The following ZFYVE26 variants were observed in gnomAD, a reference collection of about 807,000 sequenced individuals.
ZFYVE26 encodes zinc finger FYVE-type containing 26.
Under a neutral mutation model 276.5 loss-of-function variants are expected in ZFYVE26, and 181 were observed. The ratio of observed to expected loss-of-function variants is 0.65; its 90% confidence interval spans 0.58 to 0.74. ZFYVE26 has a LOEUF of 0.74. Among genes scored for constraint, ZFYVE26 ranks in the 30% least tolerant of loss-of-function variants. The pLI is 0.00. For missense variants in ZFYVE26, 2,821 were observed against 3,097.9 expected, an observed-to-expected ratio of 0.91 and a Z score of 2.12; for synonymous variants, 1,129 against 1,203.1, an observed-to-expected ratio of 0.94 and a Z score of 1.27.
At position 67,786,261 on chromosome 14, in the gene ZFYVE26, G is replaced by T; in HGVS notation, c.3020-28C>A. 1.5e-5 allele frequency: 8 copies of T among 516,278 alleles called. 1 individual carries two copies. Among genetic ancestry groups the T allele is most frequent in the South Asian group, 1.5e-4 (4 of 27,574 alleles). 32.0% of individuals were successfully genotyped at this position (516,278 alleles called of 1,614,324 possible). A position where few individuals can be genotyped will look rare whatever the true frequency, so the allele number is the denominator to read the frequency against. On this transcript the variant is annotated intron_variant, in intron 16 of 41. Coordinates refer to ENST00000347230, the MANE Select transcript of ZFYVE26 (RefSeq NM_015346.4). ...GGAAATAGATGAAGGAAGAGGGAAT[G>T]CAAAAAAAAAAAATTGAAGTGTTTT...
At position 67,793,660 on chromosome 14, in the gene ZFYVE26, T is replaced by A; in HGVS notation, c.2501A>T (p.Glu834Val). The A allele has an allele frequency of 6.2e-7, 1 of 1,613,776 alleles. No individual in the cohort carries two copies. Among genetic ancestry groups the A allele is most frequent in the Non-Finnish European group, 8.5e-7 (1 of 1,179,842 alleles). The part of the protein sequence containing the change: ...SLIPMMFSPP[E>V]SLLASCILRG... ...AAGGATGCAGGATGCCAGCAGTGAC[T>A]CAGGTGGGGAGAACATCATGGGGAT... The change falls in exon 14 of 42, where the codon GAG (glutamate) becomes GTG (valine). Residue 834 changes from glutamate to valine, a missense_variant. Transcript: ENST00000347230.
rs1354078978 is a variant in ZFYVE26 at position 67,798,589 on chromosome 14, C to G, written c.1673G>C (p.Arg558Thr). ...AATACTGCACAGATACTGTTGACAC[C>G]TGGCCAGGTAAGTTGAGAAGAGATT... is the stretch of plus-strand genomic sequence containing the variant. Reference protein sequence around the residue: ...AANLFSTYLARCQQYLCSIPD... With the variant: ...AANLFSTYLATCQQYLCSIPD... The change falls in exon 11 of 42, where the codon AGG becomes ACG. Residue 558 changes from arginine (R) to threonine (T), a missense_variant. Transcript: ENST00000347230. 1 of 1,614,072 alleles carries G rather than the reference C, an allele frequency of 6.2e-7. No homozygotes were observed. The highest frequency in any genetic ancestry group is 1.7e-5 in the Admixed American group (1 of 60,022).
At chr14:67,787,219 C>T (rs933734017) in intron 16 of ZFYVE26, among the ~76,000 whole-genome samples, 5 of 152,012 alleles carry the variant, frequency 3.3e-5, no homozygotes, top group African/African-American at 1.2e-4. Context: ...TGGCACACAC[C>T]TGTCATTCTA....
chr14:67,804,053 G>C (rs2040128902), intron 9 of ZFYVE26, 48 bp downstream of exon 9: 1 of 1,609,154 alleles, frequency 6.2e-7, no homozygotes, highest in African/African-American at 1.3e-5. Context: ...AAATGTGTAA[G>C]AATGTCCTAA....
chr14:67,754,339 C>T (rs2038723487), intron 37 of ZFYVE26, 127 bp from the exon 38 acceptor site: 1 of 1,275,148 alleles, frequency 7.8e-7, no homozygotes, highest in South Asian at 1.2e-5. Flanking sequence ...GGAAAAGAGA[C>T]CTCAAGTACC....
Position 67,755,270 on chromosome 14 carries a change from G to A in ZFYVE26, c.6787-20C>T. 1.9e-6 allele frequency: 3 copies of A among 1,613,804 alleles called. No homozygotes were observed. The highest frequency in any genetic ancestry group is 2.5e-6 in the Non-Finnish European group (3 of 1,179,872). On this transcript the variant is annotated intron_variant, in intron 36 of 41. Transcript: ENST00000347230. ...TTGGTCCTAGAAGAGGAAAATAAAT[G>A]TTCAGGTCAAAGTAGATCAGGGGTT... is the stretch of plus-strand genomic sequence containing the variant.
intron 13 of ZFYVE26, among the ~76,000 whole-genome samples, chr14:67,738,843 C>T (rs2038382576): frequency 1.3e-5 from 2 of 152,202 alleles, no homozygotes; most frequent in Non-Finnish European, 2.9e-5. Flanking sequence ...CCAGTGTCTA[C>T]CTCTGCTTTC....
intron 8 of ZFYVE26, 33 bp downstream of exon 8, chr14:67,805,184 T>C: frequency 6.3e-7 from 1 of 1,596,438 alleles, no homozygotes; most frequent in Non-Finnish European, 8.6e-7. Flanking sequence ...CTGTGCCCTG[T>C]GGTGGGCAGG....
Position 67,786,245 on chromosome 14 carries a change from TGAAG to T in ZFYVE26, c.3020-16_3020-13del, listed in dbSNP as rs749929652. 1.6e-5 allele frequency: 16 copies of T among 1,020,744 alleles called. No homozygotes were observed. Among genetic ancestry groups the T allele is most frequent in the Non-Finnish European group, 2.1e-5 (16 of 750,776 alleles). The allele number at this position is 1,020,744 out of a possible 1,614,324, so 63.2% of individuals were successfully genotyped here. ...GTCTATCCGTCGACCTGGAAATAGA[TGAAG>T]GAAGAGGGAATGCAAAAAAAAAAAA... On this transcript the variant is annotated splice_polypyrimidine_tract_variant and intron_variant, in intron 16 of 41. Coordinates refer to ENST00000347230, the MANE Select transcript of ZFYVE26 (RefSeq NM_015346.4).
chr14:67,737,083 C>CTTTTTTT (rs1291364312), intron 13 of ZFYVE26, among the ~76,000 whole-genome samples: 1 of 116,744 alleles, frequency 8.6e-6, no homozygotes, highest in Non-Finnish European at 1.8e-5. Flanking sequence ...ATTTCTTTTT[C>CTTTTTTT]TTTTCTTTTT....
chr14:67,802,832 G>A (rs975280531), intron 9 of ZFYVE26, among the ~76,000 whole-genome samples: 3 of 152,106 alleles, frequency 2.0e-5, no homozygotes, highest in African/African-American at 7.2e-5. Context: ...ATTAGTAGTA[G>A]GTCCTTTTGA....
chr14:67,806,037 A>C (rs2040174445), intron 6 of ZFYVE26, among the ~76,000 whole-genome samples: 1 of 152,208 alleles, frequency 6.6e-6, no homozygotes, highest in African/African-American at 2.4e-5. Context: ...AAAACAAAAA[A>C]ATAGAAGTGG....
chr14:67,761,897 C>T (rs2038940087), intron 34 of ZFYVE26: 3 of 555,652 alleles, frequency 5.4e-6, no homozygotes, highest in African/African-American at 3.8e-5. Flanking sequence ...CATTAAACAA[C>T]ATAACATAGA....
At chr14:67,797,462 T>C (rs552771445) in intron 12 of ZFYVE26, 6 of 627,312 alleles carry the variant, frequency 9.6e-6, no homozygotes, top group African/African-American at 9.1e-5. Flanking sequence ...CATGTGTATA[T>C]ATATAAAAGG....
Position 67,754,924 on chromosome 14 carries a change from C to T in ZFYVE26, c.6986+127G>A, listed in dbSNP as rs10145933. On this transcript the variant is annotated intron_variant, in intron 37 of 41. Coordinates refer to ENST00000347230, the MANE Select transcript of ZFYVE26 (RefSeq NM_015346.4). ...CTAGGCTTGTACTACACACTGTCAT[C>T]CAGGGATGATTCCCTTTAGATTTTT... is the stretch of plus-strand genomic sequence containing the variant. The T allele has an allele frequency of 9.2e-3, 10,045 of 1,094,832 alleles. 455 individuals are homozygous for T. In the African/African-American group the frequency reaches 0.11, roughly 12 times the overall value. 67.8% of individuals were successfully genotyped at this position (1,094,832 alleles called of 1,614,324 possible).
chr14:67,793,229 C>T (rs2039866472), intron 14 of ZFYVE26, among the ~76,000 whole-genome samples: 1 of 152,018 alleles, frequency 6.6e-6, no homozygotes, highest in South Asian at 2.1e-4. Context: ...AGCACTCCAG[C>T]CTGGGCAACA....
chr14:67,742,672 G>A (rs1448987742), downstream of ZFYVE26, among the ~76,000 whole-genome samples: 1 of 152,082 alleles, frequency 6.6e-6, no homozygotes, highest in East Asian at 1.9e-4. Flanking sequence ...TGGCTGGGAA[G>A]GTAGGATGAT....
chr14:67,785,999 C>T lies in ZFYVE26; in HGVS notation c.3163G>A (p.Gly1055Ser). The T allele has an allele frequency of 6.2e-7, 1 of 1,614,160 alleles. No homozygotes were observed. The highest frequency in any genetic ancestry group is 8.5e-7 in the Non-Finnish European group (1 of 1,180,038). The change falls in exon 18 of 42, where the codon GGC (glycine) becomes AGC (serine). Residue 1055 changes from glycine (G) to serine (S), a missense_variant. Gly to Ser is a moderately conservative substitution (Grantham distance 56). Coordinates refer to ENST00000347230, the MANE Select transcript of ZFYVE26 (RefSeq NM_015346.4). ...TCAGTGATGCTGCACCGTGGAGGGC[C>T]TCCTCCCTTTTCTTCCACACTCTCT... is the stretch of plus-strand genomic sequence containing the variant. ...KSESVEEKGG[G>S]PPRCSITELL...
At chr14:67,751,323 C>T (rs1392429460) in intron 40 of ZFYVE26, 2 of 601,350 alleles carry the variant, frequency 3.3e-6, no homozygotes, top group Non-Finnish European at 6.0e-6. Context: ...TAACCTGCTT[C>T]ATTTCCAATC....
Sources: gnomAD v4.1 joint callset for allele counts (sites outside exome capture counted in the v4.1 genomes callset) on GRCh38, gnomAD v4.1.1 for gene constraint, MANE v1.5 for transcripts, NCBI Gene and HGNC (gene_info 2026-07-23, HGNC 2026-07-21) for gene names.